SLC25A36: variants seen among roughly 807,000 people sequenced by gnomAD.
SLC25A36 encodes solute carrier family 25 member 36, also known as epididymis secretory sperm binding protein.
In SLC25A36, 24 loss-of-function variants were observed where a neutral mutation model predicts 35.3. That is an observed-to-expected ratio of 0.68 (90% CI 0.49 to 0.96). The LOEUF is 0.96. SLC25A36 is among the 40% of genes least tolerant of loss of function. The pLI is 0.00. For synonymous variants in SLC25A36, 141 were observed against 132.2 expected (o/e 1.07, Z -0.46); for missense variants, 294 against 381.1 (o/e 0.77, Z 1.90).
chr3:140,960,943 T>A (rs1367255704), intron 3 of SLC25A36, among the ~76,000 whole-genome samples: 1 of 152,234 alleles, frequency 6.6e-6, no homozygotes, highest in East Asian at 1.9e-4. Flanking sequence ...GCAGTCCCTA[T>A]TAAGCCAAAA....
chr3:140,945,992 A>G (rs1393986937), intron 1 of SLC25A36, among the ~76,000 whole-genome samples: 1 of 152,136 alleles, frequency 6.6e-6, no homozygotes. Flanking sequence ...AGACCAGTGG[A>G]TTTTAATATA....
At position 140,942,113 on chromosome 3, in the gene SLC25A36, C is replaced by A; in HGVS notation, c.41+18C>A. 1 of 1,305,858 alleles carries A rather than the reference C, an allele frequency of 7.7e-7. No individual in the cohort carries two copies. The highest frequency in any genetic ancestry group is 1.0e-6 in the Non-Finnish European group (1 of 970,368). The allele number at this position is 1,305,858 out of a possible 1,614,324, so 80.9% of individuals were successfully genotyped here. On this transcript the variant is annotated intron_variant, in intron 1 of 6. Transcript: ENST00000324194. ...GCCGGAGGGTAAGGTCCTGGCGGGG[C>A]GTGCGCACTGGGGCTGAGGGTGCTG... is the stretch of plus-strand genomic sequence containing the variant.
At chr3:140,947,723 A>C (rs1934205191) in intron 1 of SLC25A36, among the ~76,000 whole-genome samples, 1 of 152,192 alleles carries the variant, frequency 6.6e-6, no homozygotes, top group Admixed American at 6.5e-5. Context: ...CACTTCCTAT[A>C]CTTAAAAAAA....
intron 1 of SLC25A36, among the ~76,000 whole-genome samples, chr3:140,944,633 C>T (rs1016727019): frequency 3.3e-5 from 5 of 151,908 alleles, no homozygotes; most frequent in Admixed American, 2.0e-4. Flanking sequence ...CATTTTTTTT[C>T]TATTTGAGGG....
intron 1 of SLC25A36, chr3:140,942,420 C>T (rs1359655971): frequency 4.2e-6 from 1 of 240,018 alleles, no homozygotes. Context: ...AGGCCGAATC[C>T]ATGCGTCTGA....
chr3:140,968,095 A>G, intron 4 of SLC25A36: 1 of 984,906 alleles, frequency 1.0e-6, no homozygotes, highest in Non-Finnish European at 1.2e-6. Context: ...GCCTTACCAT[A>G]TATAATGCTA....
intron 3 of SLC25A36, among the ~76,000 whole-genome samples, chr3:140,961,232 A>T (rs1934618459): frequency 6.6e-6 from 1 of 152,176 alleles, no homozygotes; most frequent in Non-Finnish European, 1.5e-5. Context: ...ATATTCTTCC[A>T]GTAATTTTTC....
chr3:140,952,544 C>G (rs1266543712), intron 1 of SLC25A36, among the ~76,000 whole-genome samples: 5 of 152,188 alleles, frequency 3.3e-5, no homozygotes, highest in Non-Finnish European at 7.3e-5. Context: ...CATAAGACTT[C>G]TATTACAAAA....
At chr3:140,944,056 T>C (rs1934098979) in intron 1 of SLC25A36, among the ~76,000 whole-genome samples, 1 of 152,182 alleles carries the variant, frequency 6.6e-6, no homozygotes, top group Non-Finnish European at 1.5e-5. Context: ...TCTCTTCCTT[T>C]GCATCTCATC....
chr3:140,972,014 T>C (rs886590479), intron 5 of SLC25A36, among the ~76,000 whole-genome samples: 1 of 152,218 alleles, frequency 6.6e-6, no homozygotes, highest in African/African-American at 2.4e-5. Context: ...AAATATCTAA[T>C]TGTTTCATCT....
intron 3 of SLC25A36, among the ~76,000 whole-genome samples, chr3:140,960,659 T>G (rs1934604117): frequency 6.6e-6 from 1 of 152,156 alleles, no homozygotes; most frequent in Non-Finnish European, 1.5e-5. Context: ...TGAAGAGGTG[T>G]CAAGGTGATA....
intron 6 of SLC25A36, among the ~76,000 whole-genome samples, chr3:140,975,359 G>A (rs1352433496): frequency 2.6e-5 from 4 of 151,630 alleles, no homozygotes; most frequent in South Asian, 2.1e-4. Flanking sequence ...CTCCCACCTC[G>A]GCCTCCCAGA....
chr3:140,947,649 A>G (rs1934203433), intron 1 of SLC25A36, among the ~76,000 whole-genome samples: 1 of 152,150 alleles, frequency 6.6e-6, no homozygotes. Context: ...CTGTATTACT[A>G]GTCTTGATTT....
chr3:140,964,306 C>T (rs943478763), intron 4 of SLC25A36: 2 of 151,808 alleles, frequency 1.3e-5, no homozygotes, highest in African/African-American at 4.8e-5. Context: ...TCAGTTGATT[C>T]ACTGAAGCTT....
chr3:140,954,149 A>G (rs1934412004), intron 1 of SLC25A36, among the ~76,000 whole-genome samples: 1 of 152,074 alleles, frequency 6.6e-6, no homozygotes, highest in African/African-American at 2.4e-5. Context: ...GAGGGGGATA[A>G]TTTTTTTAAC....
intron 3 of SLC25A36, among the ~76,000 whole-genome samples, chr3:140,961,855 CAAAAAAAAAA>C (rs553759457): frequency 0.014 from 510 of 35,826 alleles, 4 homozygotes; most frequent in Middle Eastern, 0.065. Context: ...GGCTCCGTCT[CAAAAAAAAAA>C]AAAAAAAAAA....
chr3:140,953,434 G>T (rs558057702), intron 1 of SLC25A36, among the ~76,000 whole-genome samples: 1 of 150,290 alleles, frequency 6.7e-6, no homozygotes, highest in Non-Finnish European at 1.5e-5. Context: ...CCTATTTAAA[G>T]CTATGAGTGG....
chr3:140,980,822 C>T lies in SLC25A36; in HGVS notation c.*4369C>T, dbSNP rs960319147. 6.6e-5 allele frequency among the ~76,000 whole-genome samples: 10 copies of T among 151,506 alleles called. No homozygotes were observed. Among genetic ancestry groups the T allele is most frequent in the African/African-American group, 2.4e-4 (10 of 41,218 alleles). On this transcript the variant is annotated 3_prime_UTR_variant, in exon 7 of 7. Transcript: ENST00000324194. Reference sequence around the variant, plus strand: ...TTCAAGCGATTCTGCCTCAGCCTGACTTCCCTTCTGTTTCTTTATTTTCGC... The same window carrying T: ...TTCAAGCGATTCTGCCTCAGCCTGATTTCCCTTCTGTTTCTTTATTTTCGC...
intron 2 of SLC25A36, among the ~76,000 whole-genome samples, chr3:140,957,809 T>C (rs1238678252): frequency 6.6e-6 from 1 of 152,170 alleles, no homozygotes; most frequent in Non-Finnish European, 1.5e-5. Flanking sequence ...TATTTTAATA[T>C]CATGATTTTG....
Sources: gnomAD v4.1 joint callset for allele counts (sites outside exome capture counted in the v4.1 genomes callset) on GRCh38, gnomAD v4.1.1 for gene constraint, MANE v1.5 for transcripts, NCBI Gene and HGNC (gene_info 2026-07-23, HGNC 2026-07-21) for gene names.